Variants in TMSB15B observed in about 807,000 individuals in gnomAD.
TMSB15B encodes the protein thymosin beta 15B, also known as thymosin beta-15B.
chrX:103,953,329 C>T (rs782100570), intron 1 of TMSB15B, among the ~76,000 whole-genome samples: 2 of 112,004 alleles, frequency 1.8e-5, no homozygotes, highest in Non-Finnish European at 3.8e-5. Context: ...GAAACTCTGG[C>T]TATCCGGGCA....
At chrX:103,950,785 G>A (rs782397921) in intron 1 of TMSB15B, among the ~76,000 whole-genome samples, 1 of 109,942 alleles carries the variant, frequency 9.1e-6, no homozygotes, top group South Asian at 3.9e-4. Flanking sequence ...CAGTATAATC[G>A]AATCCTGATT....
chrX:103,944,320 C>T (rs1458264837), intron 1 of TMSB15B, among the ~76,000 whole-genome samples: 2 of 112,161 alleles, frequency 1.8e-5, no homozygotes, highest in African/African-American at 6.5e-5. Context: ...ATTGATCAAA[C>T]AATCCTATGA....
chrX:103,955,945 T>A (rs2075050423), intron 1 of TMSB15B, among the ~76,000 whole-genome samples: 1 of 111,208 alleles, frequency 9.0e-6, no homozygotes, highest in African/African-American at 3.3e-5. Context: ...ACAGCAAAGG[T>A]CTCAGCAGAA....
chrX:103,955,430 G>A (rs1216221714), intron 1 of TMSB15B, among the ~76,000 whole-genome samples: 11 of 110,153 alleles, frequency 1.0e-4, no homozygotes, highest in African/African-American at 3.0e-4. Flanking sequence ...AAAATAGCCA[G>A]TATAGAGAAG....
chrX:103,933,837 T>C (rs1300755391), intron 1 of TMSB15B, among the ~76,000 whole-genome samples: 1 of 108,825 alleles, frequency 9.2e-6, no homozygotes, highest in Non-Finnish European at 1.9e-5. Flanking sequence ...TTTCTCTCTT[T>C]TTTTTTTTTT....
At chrX:103,920,551 G>A (rs2074949353) in intron 1 of TMSB15B, among the ~76,000 whole-genome samples, 1 of 112,406 alleles carries the variant, frequency 8.9e-6, no homozygotes, top group Middle Eastern at 4.2e-3. Flanking sequence ...GTTCCTACCC[G>A]CGGTCCTTCC....
chrX:103,927,643 C>T lies in TMSB15B; in HGVS notation c.-721+8351C>T, dbSNP rs782367060. Among the ~76,000 whole-genome samples, 6 of 101,051 alleles carry T rather than the reference C, an allele frequency of 5.9e-5. No homozygotes were observed. The South Asian group carries it at 3.0e-3, about 51-fold the overall frequency. 87.8% of individuals were successfully genotyped at this position (101,051 alleles called of 115,157 possible). A position where few individuals can be genotyped will look rare whatever the true frequency, so the allele number is the denominator to read the frequency against. On this transcript the variant is annotated intron_variant, in intron 1 of 3. Transcript: ENST00000419165. ...CTTCAACTGTTAAATGCCTTTCTGCCTCTGCAAGATAGTGCCAGGTTTTTT... is the reference window on the plus strand; with the variant it reads ...CTTCAACTGTTAAATGCCTTTCTGCTTCTGCAAGATAGTGCCAGGTTTTTT...
chrX:103,919,536 C>T (rs1474529182), intron 1 of TMSB15B: 4 of 111,884 alleles, frequency 3.6e-5, no homozygotes, highest in Admixed American at 1.9e-4. Context: ...AGTGTGCCCA[C>T]TTAACAGGAA....
intron 1 of TMSB15B, among the ~76,000 whole-genome samples, chrX:103,924,595 A>G (rs1371716381): frequency 1.8e-5 from 2 of 111,762 alleles, no homozygotes; most frequent in African/African-American, 3.3e-5. Flanking sequence ...ACCAAATTCT[A>G]TTCACTCTAG....
intron 1 of TMSB15B, among the ~76,000 whole-genome samples, chrX:103,919,814 G>T (rs1282541149): frequency 4.5e-5 from 5 of 112,305 alleles, no homozygotes; most frequent in Admixed American, 2.8e-4. Context: ...GTATCCCGCA[G>T]CAAAGAAGTT....
At chrX:103,934,091 TCTCTAA>T (rs2147819742) in intron 1 of TMSB15B, among the ~76,000 whole-genome samples, 1 of 110,968 alleles carries the variant, frequency 9.0e-6, no homozygotes, top group South Asian at 3.8e-4. Context: ...TTATTCCTTC[TCTCTAA>T]CTCTATTTTT....
intron 1 of TMSB15B, among the ~76,000 whole-genome samples, chrX:103,945,067 T>G (rs1556326940): frequency 8.9e-6 from 1 of 112,990 alleles, no homozygotes; most frequent in African/African-American, 3.2e-5. Flanking sequence ...CGTGAGCCAC[T>G]GAGCCCGGCC....
intron 1 of TMSB15B, among the ~76,000 whole-genome samples, chrX:103,937,975 G>A (rs1222548561): frequency 1.4e-4 from 16 of 111,562 alleles, no homozygotes; most frequent in African/African-American, 5.2e-4. Flanking sequence ...GTAGTTGTGC[G>A]GTTTTGAGTG....
chrX:103,939,985 G>T (rs1352728402), intron 1 of TMSB15B, among the ~76,000 whole-genome samples: 1 of 111,844 alleles, frequency 8.9e-6, no homozygotes, highest in South Asian at 3.7e-4. Flanking sequence ...ACTAGTGGAG[G>T]CTGTAGAACC....
rs138530921 is a variant in TMSB15B, at chrX:103,940,261, C to T, written c.-721+20969C>T. On this transcript the variant is annotated intron_variant, in intron 1 of 3. Transcript: ENST00000419165. ...TCTGCTGAAACTGCGCCCACAGCCG[C>T]CCCTTCTCCCAGGTGCTCTGTCCCA... is the stretch of plus-strand genomic sequence containing the variant. Among the ~76,000 whole-genome samples, 836 of 112,243 alleles carry T rather than the reference C, an allele frequency of 7.4e-3. 11 individuals are homozygous for T. Among genetic ancestry groups the T allele is most frequent in the African/African-American group, 0.027 (820 of 30,903 alleles).
At chrX:103,945,435 G>A (rs1241429504) in intron 1 of TMSB15B, among the ~76,000 whole-genome samples, 1 of 111,687 alleles carries the variant, frequency 9.0e-6, no homozygotes, top group Non-Finnish European at 1.9e-5. Flanking sequence ...AACACGAGAT[G>A]CAACCTCACT....
chrX:103,950,688 C>CA (rs1249815545), intron 1 of TMSB15B, among the ~76,000 whole-genome samples: 1 of 109,559 alleles, frequency 9.1e-6, no homozygotes, highest in Non-Finnish European at 1.9e-5. Context: ...TCAAATTCCA[C>CA]AAAAAATTGG....
At chrX:103,947,988 A>G (rs1196145763) in intron 1 of TMSB15B, among the ~76,000 whole-genome samples, 3 of 111,368 alleles carry the variant, frequency 2.7e-5, no homozygotes, top group Non-Finnish European at 5.7e-5. Context: ...GAGTTGAACA[A>G]TGAGAACATT....
intron 1 of TMSB15B, among the ~76,000 whole-genome samples, chrX:103,938,968 G>A (rs1363593995): frequency 1.8e-5 from 2 of 112,173 alleles, no homozygotes; most frequent in Admixed American, 9.4e-5. Flanking sequence ...CTTTAAGAAT[G>A]TTGAATATTG....
Sources: allele counts gnomAD v4.1 joint callset (sites outside exome capture counted in the v4.1 genomes callset), GRCh38; gene constraint gnomAD v4.1.1; transcripts MANE v1.5; gene names NCBI Gene and HGNC (gene_info 2026-07-23, HGNC 2026-07-21).